Variants in HYAL4 observed in about 807,000 individuals in gnomAD.
HYAL4 encodes hyaluronidase-4.
Under a neutral mutation model 35.2 loss-of-function variants are expected in HYAL4, and 37 were observed. That is an observed-to-expected ratio of 1.05 (90% CI 0.81 to 1.38). The LOEUF (loss-of-function observed/expected upper bound fraction) is 1.38, where lower values mean the gene tolerates loss of function less well. HYAL4 is among the 40% of genes most tolerant of loss of function. The pLI is 0.00. For synonymous variants in HYAL4, 198 were observed against 203.2 expected, an observed-to-expected ratio of 0.97 and a Z score of 0.22; for missense variants, 572 against 572.4, an observed-to-expected ratio of 1.00 and a Z score of 0.01.
chr7:123,873,133 G>A (rs572495703), intron 3 of HYAL4, among the ~76,000 whole-genome samples: 11 of 152,066 alleles, frequency 7.2e-5, no homozygotes, highest in Non-Finnish European at 1.5e-4. Flanking sequence ...GGGAGTGGAC[G>A]CAGACTCAGC....
chr7:123,787,277 G>A, the HYAL4 span, among the ~76,000 whole-genome samples: 141 of 151,970 alleles, frequency 9.3e-4, no homozygotes, highest in Admixed American at 1.7e-3. Flanking sequence ...GTTATCCCAT[G>A]TTGTCATGAA....
At chr7:123,793,552 T>C in the HYAL4 span, among the ~76,000 whole-genome samples, 1 of 152,164 alleles carries the variant, frequency 6.6e-6, no homozygotes, top group African/African-American at 2.4e-5. Flanking sequence ...GTTAGCCTCA[T>C]ACTCTTTTCA....
At chr7:123,835,096 T>C (rs1805944900) in intron 1 of HYAL4, among the ~76,000 whole-genome samples, 1 of 152,190 alleles carries the variant, frequency 6.6e-6, no homozygotes, top group African/African-American at 2.4e-5. Context: ...ACTGGCTTCA[T>C]AGAATGATTT....
chr7:123,786,373 C>T, the HYAL4 span, among the ~76,000 whole-genome samples: 3 of 152,350 alleles, frequency 2.0e-5, no homozygotes, highest in East Asian at 3.9e-4. Flanking sequence ...TCCACCTCCA[C>T]ACATACTATC....
the HYAL4 span, among the ~76,000 whole-genome samples, chr7:123,820,803 C>G: frequency 1.3e-5 from 2 of 152,080 alleles, no homozygotes; most frequent in African/African-American, 2.4e-5. Context: ...ATAACAATTT[C>G]TCATTTCTCC....
rs1418946630 is a variant in HYAL4 at position 123,869,190 on chromosome 7, T to C, written c.917T>C (p.Leu306Pro). The change falls in exon 3 of 5, where the codon CTA becomes CCA. Residue 306 changes from leucine to proline, a missense_variant. Coordinates refer to ENST00000223026, the MANE Select transcript of HYAL4 (RefSeq NM_012269.3). ...YALPVFVYTRLGYRDEPLFFL... is the reference protein window; with the variant it reads ...YALPVFVYTRPGYRDEPLFFL... ...CTGCCTGTATTTGTCTACACAAGGC[T>C]AGGGTACAGAGATGAACCTTTATTT... is the stretch of plus-strand genomic sequence containing the variant. 3 of 1,613,706 alleles carry C rather than the reference T, an allele frequency of 1.9e-6. No individual in the cohort carries two copies. Among genetic ancestry groups the C allele is most frequent in the African/African-American group, 2.7e-5 (2 of 74,950 alleles).
the HYAL4 span, among the ~76,000 whole-genome samples, chr7:123,816,120 G>T: frequency 6.6e-6 from 1 of 152,056 alleles, no homozygotes; most frequent in African/African-American, 2.4e-5. Flanking sequence ...TTTGATGGGG[G>T]CACTTCTTAT....
chr7:123,864,925 T>G (rs928864054), intron 2 of HYAL4, among the ~76,000 whole-genome samples: 1 of 151,716 alleles, frequency 6.6e-6, no homozygotes, highest in Non-Finnish European at 1.5e-5. Context: ...TTATTTATTT[T>G]GTCTTTTTTG....
the HYAL4 span, among the ~76,000 whole-genome samples, chr7:123,782,684 G>T: frequency 1.3e-5 from 2 of 151,638 alleles, no homozygotes; most frequent in Non-Finnish European, 1.5e-5. Context: ...CCTTTCATAA[G>T]ATCCTCATTG....
chr7:123,805,988 C>T, the HYAL4 span, among the ~76,000 whole-genome samples: 6 of 151,654 alleles, frequency 4.0e-5, no homozygotes, highest in African/African-American at 1.2e-4. Flanking sequence ...CAGGGAGACT[C>T]CGTCCGAAAA....
intron 2 of HYAL4, among the ~76,000 whole-genome samples, chr7:123,866,625 A>G (rs1806692076): frequency 2.0e-5 from 3 of 152,188 alleles, no homozygotes. Context: ...AATGACACAC[A>G]AGACTGCAAA....
chr7:123,872,737 G>A (rs1463288696), intron 3 of HYAL4, among the ~76,000 whole-genome samples: 2 of 152,150 alleles, frequency 1.3e-5, no homozygotes, highest in Non-Finnish European at 2.9e-5. Context: ...TTTCCTAGCT[G>A]GGTAGTGCCC....
chr7:123,868,557 T>C lies in HYAL4; in HGVS notation c.284T>C (p.Leu95Ser), dbSNP rs773475839. Residue 95 changes from leucine (L) to serine (S), a missense_variant, in exon 3 of 5, where the codon TTG (leucine) becomes TCG (serine). Physicochemically the swap from Leu to Ser is moderately radical, Grantham distance 145. Coordinates refer to ENST00000223026, the MANE Select transcript of HYAL4 (RefSeq NM_012269.3). ...QNVTIFYVNRLGYYPWYTSQG... is the reference protein window; with the variant it reads ...QNVTIFYVNRSGYYPWYTSQG... ...GTCACTATATTTTATGTCAACAGAT[T>C]GGGATACTATCCGTGGTATACATCA... 1.2e-6 allele frequency: 2 copies of C among 1,613,774 alleles called. No homozygotes were observed. Among genetic ancestry groups the C allele is most frequent in the African/African-American group, 1.3e-5 (1 of 75,056 alleles).
upstream of HYAL4, among the ~76,000 whole-genome samples, chr7:123,841,401 T>A (rs1259362421): frequency 6.6e-6 from 1 of 152,078 alleles, no homozygotes; most frequent in African/African-American, 2.4e-5. Flanking sequence ...AGTATTTTAT[T>A]GAGGATTTTT....
chr7:123,806,199 G>A, the HYAL4 span, among the ~76,000 whole-genome samples: 2 of 152,108 alleles, frequency 1.3e-5, no homozygotes, highest in African/African-American at 2.4e-5. Context: ...TTATTGATGA[G>A]GTGAGAGTGT....
chr7:123,790,298 G>C, the HYAL4 span, among the ~76,000 whole-genome samples: 1 of 152,156 alleles, frequency 6.6e-6, no homozygotes, highest in Admixed American at 6.5e-5. Context: ...TAAAAATCCT[G>C]TGAGAAAAGA....
intron 1 of HYAL4, among the ~76,000 whole-genome samples, chr7:123,836,719 C>A (rs965902438): frequency 3.3e-5 from 5 of 151,156 alleles, no homozygotes; most frequent in Non-Finnish European, 7.4e-5. Flanking sequence ...TGATATGTTT[C>A]CAGGATTTGT....
chr7:123,836,051 T>G lies in HYAL4; in HGVS notation c.-257+6927T>G, dbSNP rs530535218. Among the ~76,000 whole-genome samples the G allele has an allele frequency of 2.0e-5, 3 of 152,286 alleles. No individual in the cohort carries two copies. The South Asian group carries it at 6.2e-4, about 32-fold the overall frequency. On this transcript the variant is annotated intron_variant, in intron 1 of 4. Transcript: ENST00000489978. ...GCTGATAAATAGACAATATATTCTG[T>G]GGTTGTTGGGTAGAATATTCAGTAA...
chr7:123,842,756 G>C (rs1015021281), upstream of HYAL4, among the ~76,000 whole-genome samples: 38 of 151,940 alleles, frequency 2.5e-4, 1 homozygote, highest in African/African-American at 4.1e-4. Flanking sequence ...ATGTAATGGC[G>C]TTCTTTGTCT....
Sources: allele counts gnomAD v4.1 joint callset (sites outside exome capture counted in the v4.1 genomes callset), GRCh38; gene constraint gnomAD v4.1.1; transcripts MANE v1.5; gene names NCBI Gene and HGNC (gene_info 2026-07-23, HGNC 2026-07-21).